ADAMTSL1: variants seen among roughly 807,000 people sequenced by gnomAD.
ADAMTSL1 encodes ADAMTS like 1.
ADAMTSL1 carries 126 observed loss-of-function variants against 201.8 expected under a neutral mutation model. That is an observed-to-expected ratio of 0.62 (90% confidence interval 0.54 to 0.72). ADAMTSL1 has a LOEUF of 0.72. Ranked by LOEUF, ADAMTSL1 falls within the 30% of genes least tolerant of loss-of-function variation. The pLI, the probability that ADAMTSL1 is intolerant of heterozygous loss-of-function variation, is 0.00. For synonymous variants in ADAMTSL1, 1,121 were observed against 903.4 expected (o/e 1.24, Z -4.32); for missense variants, 2,679 against 2,277.8 (o/e 1.18, Z -3.59).
rs140760042 is a variant in ADAMTSL1 at position 18,577,861 on chromosome 9, T to A, written c.474+3595T>A. 7.5e-3 allele frequency among the ~76,000 whole-genome samples: 1,148 copies of A among 152,240 alleles called. 22 individuals carry two copies. Among genetic ancestry groups the A allele is most frequent in the African/African-American group, 0.027 (1,102 of 41,538 alleles). On this transcript the variant is annotated intron_variant, in intron 4 of 28. Transcript: ENST00000380548. ...GACCTTCTACCATGTACTATCCCCA[T>A]CATCATTTCACAATTGAAACGTTCA...
At chr9:18,655,001 A>C (rs1045903529) in intron 7 of ADAMTSL1, among the ~76,000 whole-genome samples, 2 of 152,250 alleles carry the variant, frequency 1.3e-5, no homozygotes, top group Non-Finnish European at 2.9e-5. Context: ...CAGCTAAGCC[A>C]GGCTGGGGGG....
At chr9:18,191,545 T>A (rs1401994655) in intron 2 of ADAMTSL1, among the ~76,000 whole-genome samples, 1 of 152,198 alleles carries the variant, frequency 6.6e-6, no homozygotes, top group Non-Finnish European at 1.5e-5. Flanking sequence ...GGACAGGACC[T>A]GAGCCCTTAG....
upstream of ADAMTSL1, among the ~76,000 whole-genome samples, chr9:18,471,176 C>G (rs890345753): frequency 6.6e-6 from 1 of 152,112 alleles, no homozygotes; most frequent in Non-Finnish European, 1.5e-5. Context: ...TAACATATAC[C>G]CATGGTAAAC....
chr9:18,555,992 T>C (rs1821087427), intron 3 of ADAMTSL1, among the ~76,000 whole-genome samples: 1 of 151,354 alleles, frequency 6.6e-6, no homozygotes, highest in African/African-American at 2.4e-5. Context: ...ACTTAAAGTA[T>C]AATAAAAAAA....
At chr9:18,400,156 T>G (rs139519743) in intron 2 of ADAMTSL1, among the ~76,000 whole-genome samples, 1,760 of 109,546 alleles carry the variant, frequency 0.016, 33 homozygotes, top group African/African-American at 0.055. Flanking sequence ...TTTTTCTTTT[T>G]TTTACCCTAG....
chr9:18,094,398 G>A lies in ADAMTSL1; in HGVS notation c.88-69464G>A, dbSNP rs939799738. ...CACTGTGTGAACTTCTCAGTTATGTGTGTAGTATTACAGTTGTCTGCCCTC... is the reference window on the plus strand; with the variant it reads ...CACTGTGTGAACTTCTCAGTTATGTATGTAGTATTACAGTTGTCTGCCCTC... On this transcript the variant is annotated intron_variant, in intron 1 of 29. Transcript: ENST00000680146. Among the ~76,000 whole-genome samples, 9 of 152,174 alleles carry A rather than the reference G, an allele frequency of 5.9e-5. No homozygotes were observed. The South Asian group carries it at 8.3e-4, about 14-fold the overall frequency.
At chr9:18,602,544 G>A (rs1042418404) in intron 4 of ADAMTSL1, among the ~76,000 whole-genome samples, 2 of 152,170 alleles carry the variant, frequency 1.3e-5, no homozygotes, top group African/African-American at 4.8e-5. Context: ...GGGGGACTTG[G>A]CAGCCTGCCT....
intron 2 of ADAMTSL1, among the ~76,000 whole-genome samples, chr9:18,286,161 T>A (rs1337090324): frequency 6.6e-6 from 1 of 152,232 alleles, no homozygotes; most frequent in African/African-American, 2.4e-5. Flanking sequence ...GGGCCAACCA[T>A]GTTCTAGCAA....
At chr9:18,594,608 T>C (rs930422667) in intron 4 of ADAMTSL1, among the ~76,000 whole-genome samples, 1 of 152,244 alleles carries the variant, frequency 6.6e-6, no homozygotes, top group Non-Finnish European at 1.5e-5. Context: ...TTATGCTCTC[T>C]CTTACATTTT....
At chr9:18,786,993 T>G (rs1299099251) in intron 19 of ADAMTSL1, among the ~76,000 whole-genome samples, 1 of 152,158 alleles carries the variant, frequency 6.6e-6, no homozygotes, top group Non-Finnish European at 1.5e-5. Flanking sequence ...AGAATGGAAG[T>G]GAAGATCAGA....
chr9:18,580,308 T>C (rs1287614280), intron 4 of ADAMTSL1, among the ~76,000 whole-genome samples: 1 of 152,180 alleles, frequency 6.6e-6, no homozygotes, highest in Non-Finnish European at 1.5e-5. Flanking sequence ...CTTTTCATTT[T>C]TAATAATTCC....
rs536730838 is a variant in ADAMTSL1, at chr9:18,309,069, A to G, written c.207+145088A>G. ...TAAATGTAATCCATCACATAAACAA[A>G]ACCAATGACAAAAACCACATGATTA... On this transcript the variant is annotated intron_variant, in intron 2 of 29. Coordinates refer to the ADAMTSL1 transcript ENST00000680146. Among the ~76,000 whole-genome samples the G allele has an allele frequency of 2.0e-5, 3 of 152,320 alleles. No individual in the cohort carries two copies. In the East Asian group the frequency reaches 5.8e-4, roughly 29 times the overall value.
chr9:18,526,800 T>C (rs537012637), intron 2 of ADAMTSL1, among the ~76,000 whole-genome samples: 1 of 152,300 alleles, frequency 6.6e-6, no homozygotes, highest in African/African-American at 2.4e-5. Flanking sequence ...CAGGAGAAAC[T>C]GTGTTCCAGT....
chr9:18,237,199 A>G (rs1830882235), intron 2 of ADAMTSL1, among the ~76,000 whole-genome samples: 1 of 152,222 alleles, frequency 6.6e-6, no homozygotes, highest in Non-Finnish European at 1.5e-5. Context: ...ATGGCAGACC[A>G]TGAGCTCTCC....
At chr9:18,703,697 CATACATATATATATATATATATATAT>C (rs1242384334) in intron 13 of ADAMTSL1, among the ~76,000 whole-genome samples, 1 of 31,018 alleles carries the variant, frequency 3.2e-5, no homozygotes, top group Admixed American at 4.1e-4. Context: ...TGCATGCGCA[CATACATATATATATATATATATATAT>C]ATATATATAT....
chr9:18,277,165 G>C lies in ADAMTSL1; in HGVS notation c.207+113184G>C, dbSNP rs58781971. On this transcript the variant is annotated intron_variant, in intron 2 of 29. Coordinates refer to the ADAMTSL1 transcript ENST00000680146. ...AGACTTGTTTTGTGACTTCACATAT[G>C]ATCTATCCTGCATAATGTTCTTTGT... Among the ~76,000 whole-genome samples, 827 of 152,192 alleles carry C rather than the reference G, an allele frequency of 5.4e-3. 10 individuals carry two copies. Among genetic ancestry groups the C allele is most frequent in the African/African-American group, 0.019 (783 of 41,536 alleles).
At chr9:18,369,815 C>T (rs913073627) in intron 2 of ADAMTSL1, among the ~76,000 whole-genome samples, 3 of 152,092 alleles carry the variant, frequency 2.0e-5, no homozygotes, top group Admixed American at 6.5e-5. Context: ...ACTATGCAGC[C>T]GTAAGGAAGA....
chr9:18,771,641 C>G (rs1304041991), intron 17 of ADAMTSL1, among the ~76,000 whole-genome samples: 2 of 150,936 alleles, frequency 1.3e-5, no homozygotes, highest in Admixed American at 6.6e-5. Context: ...TCTGTAAAGC[C>G]AGATTCAAGA....
intron 13 of ADAMTSL1, among the ~76,000 whole-genome samples, chr9:18,703,954 A>T (rs1021056554): frequency 6.6e-6 from 1 of 151,920 alleles, no homozygotes. Context: ...GCTCGCTTTG[A>T]AAACACAAAT....
Sources: allele counts gnomAD v4.1 joint callset (sites outside exome capture counted in the v4.1 genomes callset), GRCh38; gene constraint gnomAD v4.1.1; transcripts MANE v1.5; gene names NCBI Gene and HGNC (gene_info 2026-07-23, HGNC 2026-07-21).